Variants in STXBP6 observed in about 807,000 individuals in gnomAD.
The protein encoded by STXBP6 is syntaxin binding protein 6.
STXBP6 carries 21 observed loss-of-function variants against 26.9 expected under a neutral mutation model. The observed-to-expected ratio is 0.78, with a 90% CI of 0.55 to 1.12. The LOEUF (loss-of-function observed/expected upper bound fraction) is 1.12, where lower values mean the gene tolerates loss of function less well. Among genes scored for constraint, STXBP6 ranks in the 50% most tolerant of loss-of-function variants. The pLI is 0.00. For missense variants in STXBP6, 232 were observed against 257.9 expected (o/e 0.90, Z 0.69); for synonymous variants, 97 against 92.6 (o/e 1.05, Z -0.27).
At chr14:25,010,826 G>A (rs1009620103) in intron 1 of STXBP6, among the ~76,000 whole-genome samples, 3 of 151,982 alleles carry the variant, frequency 2.0e-5, no homozygotes, top group African/African-American at 7.2e-5. Flanking sequence ...AAACATGAAA[G>A]AAAACAAAAT....
intron 1 of STXBP6, among the ~76,000 whole-genome samples, chr14:24,980,506 T>C (rs1566531553): frequency 2.0e-5 from 3 of 152,210 alleles, no homozygotes; most frequent in Non-Finnish European, 4.4e-5. Flanking sequence ...ATAAGTAGAT[T>C]CTAAAAAGGA....
intron 1 of STXBP6, among the ~76,000 whole-genome samples, chr14:25,012,890 G>T (rs774478109): frequency 2.6e-4 from 39 of 152,004 alleles, no homozygotes; most frequent in Non-Finnish European, 5.1e-4. Context: ...CCACACAAAG[G>T]GATTCCCATC....
chr14:24,855,921 C>T lies in STXBP6; in HGVS notation c.451+15G>A, dbSNP rs746928858. On this transcript the variant is annotated intron_variant, in intron 4 of 5. Coordinates refer to ENST00000323944, the MANE Select transcript of STXBP6 (RefSeq NM_001394410.1). ...AAGAAACAGGATGACTAAAGTCACA[C>T]AAATGTCCACTCACCTCCCATAATT... is the stretch of plus-strand genomic sequence containing the variant. 1.3e-6 allele frequency: 2 copies of T among 1,587,014 alleles called. No individual in the cohort carries two copies. The highest frequency in any genetic ancestry group is 3.7e-5 in the Admixed American group (2 of 54,588).
chr14:24,955,267 A>T (rs1260708643), intron 2 of STXBP6, among the ~76,000 whole-genome samples: 1 of 152,106 alleles, frequency 6.6e-6, no homozygotes, highest in African/African-American at 2.4e-5. Flanking sequence ...TGTTAGAGTG[A>T]TCAACCTCCT....
At chr14:24,818,675 T>TA (rs1250976687) in intron 5 of STXBP6, among the ~76,000 whole-genome samples, 2 of 152,134 alleles carry the variant, frequency 1.3e-5, no homozygotes, top group Admixed American at 6.5e-5. Context: ...CTCCATGTGT[T>TA]GGCTAAGTGG....
At chr14:24,946,562 G>A (rs2140025622) in intron 2 of STXBP6, among the ~76,000 whole-genome samples, 1 of 152,304 alleles carries the variant, frequency 6.6e-6, no homozygotes, top group Non-Finnish European at 1.5e-5. Context: ...AGTAGCCGTT[G>A]GCTTAGGGAA....
chr14:24,945,585 C>G (rs1467822429), intron 2 of STXBP6, among the ~76,000 whole-genome samples: 2 of 151,774 alleles, frequency 1.3e-5, no homozygotes, highest in African/African-American at 4.8e-5. Context: ...CAAAACAAAA[C>G]AAAACAAACA....
chr14:24,903,094 T>TA (rs1275996626), intron 2 of STXBP6, among the ~76,000 whole-genome samples: 11 of 152,320 alleles, frequency 7.2e-5, no homozygotes, highest in Admixed American at 6.5e-4. Flanking sequence ...AGCAGAGGAT[T>TA]AAAAAATCTT....
chr14:24,950,785 C>T (rs1234045116), intron 2 of STXBP6, among the ~76,000 whole-genome samples: 16 of 152,030 alleles, frequency 1.1e-4, no homozygotes, highest in Admixed American at 1.0e-3. Context: ...GGTACATGTG[C>T]AGAATGTGCA....
intron 2 of STXBP6, among the ~76,000 whole-genome samples, chr14:24,952,605 A>C (rs549033251): frequency 9.2e-5 from 14 of 152,244 alleles, no homozygotes; most frequent in South Asian, 2.1e-4. Flanking sequence ...TTTGACCCCA[A>C]CTCCACAGTT....
intron 2 of STXBP6, among the ~76,000 whole-genome samples, chr14:24,967,358 C>T (rs2073767919): frequency 6.6e-6 from 1 of 152,188 alleles, no homozygotes; most frequent in South Asian, 2.1e-4. Context: ...GTGATGGGTG[C>T]ATGGCAGGTG....
intron 4 of STXBP6, among the ~76,000 whole-genome samples, chr14:24,821,920 G>A (rs969099997): frequency 1.3e-5 from 2 of 151,734 alleles, no homozygotes; most frequent in South Asian, 2.1e-4. Context: ...CTTCTATCTG[G>A]GATCCTCTTG....
At chr14:25,037,043 A>C (rs891962339) in intron 1 of STXBP6, among the ~76,000 whole-genome samples, 7 of 152,298 alleles carry the variant, frequency 4.6e-5, no homozygotes, top group African/African-American at 1.7e-4. Context: ...AGTCAGGAAG[A>C]AAAAGGAGCA....
intron 2 of STXBP6, among the ~76,000 whole-genome samples, chr14:24,960,470 T>C (rs1406658050): frequency 2.6e-5 from 4 of 152,232 alleles, no homozygotes; most frequent in African/African-American, 7.2e-5. Flanking sequence ...TTATAAAGCA[T>C]ATATGAAACA....
At chr14:24,883,844 C>T (rs76825678) in intron 2 of STXBP6, among the ~76,000 whole-genome samples, 1 of 152,008 alleles carries the variant, frequency 6.6e-6, no homozygotes, top group Non-Finnish European at 1.5e-5. Flanking sequence ...CTATCCTCCC[C>T]AAAAAAGAAT....
chr14:24,960,673 T>C (rs143066628), intron 2 of STXBP6, among the ~76,000 whole-genome samples: 27 of 152,328 alleles, frequency 1.8e-4, no homozygotes, highest in African/African-American at 5.8e-4. Context: ...AGAAGTGGAA[T>C]AGGTCTGCAC....
At chr14:25,016,200 CTTCT>C (rs1252660252) in intron 1 of STXBP6, among the ~76,000 whole-genome samples, 1 of 152,052 alleles carries the variant, frequency 6.6e-6, no homozygotes, top group Non-Finnish European at 1.5e-5. Context: ...CCCTTTTATT[CTTCT>C]TTTTCACCCA....
chr14:24,858,271 G>A (rs1594976045), intron 2 of STXBP6, among the ~76,000 whole-genome samples: 1 of 152,044 alleles, frequency 6.6e-6, no homozygotes, highest in East Asian at 1.9e-4. Context: ...GCATTCCATA[G>A]CTTATTGCAG....
At chr14:25,003,275 A>T (rs952725509) in intron 1 of STXBP6, among the ~76,000 whole-genome samples, 2 of 151,994 alleles carry the variant, frequency 1.3e-5, no homozygotes, top group Admixed American at 1.3e-4. Flanking sequence ...AAGTGATGAA[A>T]CCTCTAATAC....
Sources: allele counts gnomAD v4.1 joint callset (sites outside exome capture counted in the v4.1 genomes callset), GRCh38; gene constraint gnomAD v4.1.1; transcripts MANE v1.5; gene names NCBI Gene and HGNC (gene_info 2026-07-23, HGNC 2026-07-21).